GALNT18: variants seen among roughly 807,000 people sequenced by gnomAD.
GALNT18 encodes the protein polypeptide N-acetylgalactosaminyltransferase 18, also known as GalNAc-transferase 18.
A neutral mutation model predicts 69.5 loss-of-function variants in GALNT18; 44 were observed. The ratio of observed to expected loss-of-function variants is 0.63; its 90% confidence interval spans 0.50 to 0.81. The LOEUF is 0.81. Ranked by LOEUF, GALNT18 falls within the 40% of genes least tolerant of loss-of-function variation. The probability of loss-of-function intolerance (pLI) is 0.00; values close to 1 mark genes in which losing one functional copy is unlikely to be tolerated. For synonymous variants in GALNT18, 364 were observed against 318.2 expected (o/e 1.14, Z -1.53); for missense variants, 715 against 810.0 (o/e 0.88, Z 1.42).
At chr11:11,280,491 A>G (rs1849048930) in intron 10 of GALNT18, among the ~76,000 whole-genome samples, 1 of 151,704 alleles carries the variant, frequency 6.6e-6, no homozygotes, top group African/African-American at 2.4e-5. Flanking sequence ...CCACTGCGCT[A>G]AAATCCTTGT....
chr11:11,324,200 C>T (rs902834808), intron 9 of GALNT18, among the ~76,000 whole-genome samples: 1 of 152,274 alleles, frequency 6.6e-6, no homozygotes, highest in East Asian at 1.9e-4. Flanking sequence ...TGGTTTAAGG[C>T]CTGTGATATT....
At chr11:11,348,335 G>A (rs555038498) in intron 6 of GALNT18, among the ~76,000 whole-genome samples, 87 of 146,352 alleles carry the variant, frequency 5.9e-4, no homozygotes, top group Middle Eastern at 6.9e-3. Flanking sequence ...CCAAGATCGC[G>A]CCATTGCACT....
intron 9 of GALNT18, among the ~76,000 whole-genome samples, chr11:11,317,528 T>A (rs1403540658): frequency 6.6e-6 from 1 of 152,242 alleles, no homozygotes; most frequent in African/African-American, 2.4e-5. Flanking sequence ...TGGCTGCTTG[T>A]ATGTCTTCCT....
At chr11:11,575,445 G>C (rs565843827) in intron 1 of GALNT18, among the ~76,000 whole-genome samples, 27 of 152,344 alleles carry the variant, frequency 1.8e-4, no homozygotes, top group African/African-American at 5.5e-4. Context: ...CAGGAGGAGA[G>C]AGCCTACAAA....
At chr11:11,271,768 G>C (rs955908300) in intron 10 of GALNT18, among the ~76,000 whole-genome samples, 1 of 152,210 alleles carries the variant, frequency 6.6e-6, no homozygotes, top group Non-Finnish European at 1.5e-5. Flanking sequence ...CAGCCTCCTG[G>C]TTACTGTCTC....
At position 11,505,221 on chromosome 11, in the gene GALNT18, A is replaced by C. The variant is rs1052733518; in HGVS notation, c.236-56285T>G. Among the ~76,000 whole-genome samples, 1 of 152,252 alleles carries C rather than the reference A, an allele frequency of 6.6e-6. No individual in the cohort carries two copies. Among genetic ancestry groups the C allele is most frequent in the African/African-American group, 2.4e-5 (1 of 41,476 alleles). Reference sequence around the variant, plus strand: ...TGATATTTTGTAGTACACACACTCCAGGCAACTGGTTGTTTATAGCCAGTG... The same window carrying C: ...TGATATTTTGTAGTACACACACTCCCGGCAACTGGTTGTTTATAGCCAGTG... On this transcript the variant is annotated intron_variant, in intron 1 of 10. Coordinates refer to ENST00000227756, the MANE Select transcript of GALNT18 (RefSeq NM_198516.3). This position sits in a 1 kb window ranked among gnomAD's most constrained non-coding sequence, Gnocchi z 4.6.
At chr11:11,433,410 G>C (rs1424503657) in intron 2 of GALNT18, among the ~76,000 whole-genome samples, 2 of 152,222 alleles carry the variant, frequency 1.3e-5, no homozygotes, top group African/African-American at 4.8e-5. Flanking sequence ...CAGACAGGGA[G>C]CATGAGGCTC....
At chr11:11,311,399 C>T (rs1352096557) in intron 9 of GALNT18, among the ~76,000 whole-genome samples, 1 of 152,186 alleles carries the variant, frequency 6.6e-6, no homozygotes, top group Non-Finnish European at 1.5e-5. Flanking sequence ...CTGTTCATAT[C>T]CTGGACTCTC....
chr11:11,288,272 A>G (rs1299468211), intron 10 of GALNT18, among the ~76,000 whole-genome samples: 1 of 152,190 alleles, frequency 6.6e-6, no homozygotes, highest in African/African-American at 2.4e-5. Context: ...TAAATTCTGC[A>G]CACAACAGAC....
chr11:11,570,788 G>A (rs753098947), intron 1 of GALNT18, among the ~76,000 whole-genome samples: 2 of 152,200 alleles, frequency 1.3e-5, no homozygotes, highest in African/African-American at 4.8e-5. Flanking sequence ...TCCCCAGCAC[G>A]AGCAGAGTCC....
chr11:11,360,997 TCAAA>T (rs1173112789), intron 6 of GALNT18, among the ~76,000 whole-genome samples: 1 of 152,078 alleles, frequency 6.6e-6, no homozygotes, highest in Non-Finnish European at 1.5e-5. Flanking sequence ...GAGGGAGGGG[TCAAA>T]CATTCTGTTT....
chr11:11,293,385 C>T (rs148407434), intron 9 of GALNT18, among the ~76,000 whole-genome samples, 192 bp from the exon 10 acceptor site: 147 of 152,214 alleles, frequency 9.7e-4, no homozygotes, highest in African/African-American at 1.3e-3. Flanking sequence ...CATTATGATC[C>T]GGTATAGTGT....
At chr11:11,554,275 G>C (rs956956825) in intron 1 of GALNT18, among the ~76,000 whole-genome samples, 1 of 152,106 alleles carries the variant, frequency 6.6e-6, no homozygotes, top group Non-Finnish European at 1.5e-5. Flanking sequence ...CTTTGCCACA[G>C]CCTGGCCTTC....
At position 11,497,095 on chromosome 11, in the gene GALNT18, G is replaced by T. The variant is rs187226905; in HGVS notation, c.236-48159C>A. 4.6e-4 allele frequency among the ~76,000 whole-genome samples: 70 copies of T among 152,094 alleles called. No homozygotes were observed. Among genetic ancestry groups the T allele is most frequent in the African/African-American group, 1.6e-3 (68 of 41,482 alleles). On this transcript the variant is annotated intron_variant, in intron 1 of 10. Transcript: ENST00000227756. This position sits in a 1 kb window ranked among gnomAD's most constrained non-coding sequence, Gnocchi z 4.2. ...TTCCCACCTCAGGGCCTTTGCACCT[G>T]CTGTTTCTTCAGTATGGGATGCTGT... is the stretch of plus-strand genomic sequence containing the variant.
rs150217547 is a variant in GALNT18, at chr11:11,451,029, A to G, written c.236-2093T>C. ...TCGGTGACTGATTTTCCTTAAAGAC[A>G]TAAAAGCAAAGTCGGAAAATTTAAA... On this transcript the variant is annotated intron_variant, in intron 1 of 10. Transcript: ENST00000227756. 8.4e-4 allele frequency among the ~76,000 whole-genome samples: 128 copies of G among 152,358 alleles called. 1 individual carries two copies. The highest frequency in any genetic ancestry group is 7.7e-3 in the East Asian group (40 of 5,190).
At chr11:11,504,868 C>T (rs575750683) in intron 1 of GALNT18, among the ~76,000 whole-genome samples, 3 of 152,266 alleles carry the variant, frequency 2.0e-5, no homozygotes, top group Non-Finnish European at 4.4e-5. Flanking sequence ...TTCTGTTTGC[C>T]TTGGATGACT....
chr11:11,520,148 G>A (rs1465205100), intron 1 of GALNT18, among the ~76,000 whole-genome samples: 1 of 152,248 alleles, frequency 6.6e-6, no homozygotes, highest in African/African-American at 2.4e-5. Flanking sequence ...CAAGCTTGTA[G>A]CGCTTACTGC....
In GALNT18 at chr11:11,349,230, G is replaced by A. The variant is rs141535388; in HGVS notation, c.1093-8226C>T. Among the ~76,000 whole-genome samples, 400 of 152,198 alleles carry A rather than the reference G, an allele frequency of 2.6e-3. 2 individuals carry two copies. In the Middle Eastern group the frequency reaches 0.027, roughly 10 times the overall value. On this transcript the variant is annotated intron_variant, in intron 6 of 10. Transcript: ENST00000227756. ...TAGTTGGTCGACAGTCTTGTTTCCG[G>A]TATTACGGATGGTGCTCCTCGGAAC...
At chr11:11,561,475 A>C (rs1382473829) in intron 1 of GALNT18, among the ~76,000 whole-genome samples, 1 of 152,248 alleles carries the variant, frequency 6.6e-6, no homozygotes, top group South Asian at 2.1e-4. Flanking sequence ...TCAGTTTCCC[A>C]GTCTGCAAAA....
Sources: allele counts gnomAD v4.1 joint callset (sites outside exome capture counted in the v4.1 genomes callset), GRCh38; gene constraint gnomAD v4.1.1; non-coding constraint Gnocchi (gnomAD v3.1); transcripts MANE v1.5; gene names NCBI Gene and HGNC (gene_info 2026-07-23, HGNC 2026-07-21).